The following KIF21A variants were observed in gnomAD, a reference collection of about 807,000 sequenced individuals.
KIF21A encodes kinesin family member 21A, also known as kinesin-like protein KIF21A.
A neutral mutation model predicts 202.9 loss-of-function variants in KIF21A; 114 were observed. The observed-to-expected ratio is 0.56, with a 90% CI of 0.48 to 0.66. KIF21A has a LOEUF of 0.66. KIF21A is among the 30% of genes least tolerant of loss of function. The pLI is 0.00. For missense variants in KIF21A, 1,677 were observed against 1,994.9 expected (o/e 0.84, Z 3.04); for synonymous variants, 667 against 670.8 (o/e 0.99, Z 0.09).
At chr12:39,352,472 T>A (rs1167211965) in intron 10 of KIF21A, among the ~76,000 whole-genome samples, 1 of 152,174 alleles carries the variant, frequency 6.6e-6, no homozygotes, top group East Asian at 1.9e-4. Flanking sequence ...GTAATCATAA[T>A]CTTAATACTC....
In KIF21A at chr12:39,326,249, TA is replaced by T; in HGVS notation, c.3401+14del. 1 of 1,573,950 alleles carries T rather than the reference TA, an allele frequency of 6.4e-7. No individual in the cohort carries two copies. The highest frequency in any genetic ancestry group is 8.7e-7 in the Non-Finnish European group (1 of 1,143,804). ...GTAAATAAGTCAACTCTATTGTTTC[TA>T]AAGGCCTTCTTACCTTCCTTCTGAT... On this transcript the variant is annotated intron_variant, in intron 25 of 37. Transcript: ENST00000361418.
At chr12:39,320,447 T>C (rs185377891) in intron 27 of KIF21A, among the ~76,000 whole-genome samples, 2 of 146,468 alleles carry the variant, frequency 1.4e-5, no homozygotes, top group East Asian at 4.0e-4. Flanking sequence ...AATCACAAAA[T>C]AGTTCTATAG....
chr12:39,357,135 A>G (rs1948834169), intron 9 of KIF21A, 113 bp downstream of exon 9: 4 of 918,648 alleles, frequency 4.4e-6, no homozygotes, highest in Non-Finnish European at 7.1e-6. Context: ...CACAGACTGT[A>G]TACACAGAGA....
At chr12:39,429,408 A>G (rs1955010644) in intron 1 of KIF21A, among the ~76,000 whole-genome samples, 1 of 152,212 alleles carries the variant, frequency 6.6e-6, no homozygotes, top group South Asian at 2.1e-4. Context: ...TTGACTGGTA[A>G]TATCAAGGTC....
At chr12:39,319,136 C>T (rs1944920854) in intron 28 of KIF21A, among the ~76,000 whole-genome samples, 1 of 152,148 alleles carries the variant, frequency 6.6e-6, no homozygotes, top group African/African-American at 2.4e-5. Context: ...AATATATTCA[C>T]ATTTATTTTT....
At chr12:39,296,670 CA>C (rs1190031655) in intron 37 of KIF21A, among the ~76,000 whole-genome samples, 4 of 152,112 alleles carry the variant, frequency 2.6e-5, no homozygotes, top group African/African-American at 9.7e-5. Context: ...CATTCCAGGC[CA>C]AAAGAGCAGC....
intron 1 of KIF21A, among the ~76,000 whole-genome samples, chr12:39,441,796 G>C (rs554844772): frequency 4.1e-4 from 63 of 151,896 alleles, no homozygotes; most frequent in African/African-American, 1.5e-3. Flanking sequence ...GAAATGTTTA[G>C]AGGGGAGAAT....
intron 1 of KIF21A, among the ~76,000 whole-genome samples, chr12:39,406,825 C>T (rs577079065): frequency 6.6e-6 from 1 of 152,230 alleles, no homozygotes; most frequent in East Asian, 1.9e-4. Context: ...AAGACTCATT[C>T]GTAATCTCAA....
chr12:39,332,774 T>C (rs1336467031), intron 19 of KIF21A, 30 bp from the exon 20 acceptor site: 2 of 1,612,706 alleles, frequency 1.2e-6, no homozygotes, highest in Admixed American at 3.3e-5. Flanking sequence ...ACAAGCTCAA[T>C]TACTTATGCA....
rs181205442 is a variant in KIF21A, at chr12:39,361,864, T to C, written c.1019+1234A>G. On this transcript the variant is annotated intron_variant, in intron 7 of 37. Transcript: ENST00000361418. Reference sequence around the variant, plus strand: ...ATAAACTTAAAAGGATTTAATATTATCCAAAATTATTTGGATAATAGTTGT... The same window carrying C: ...ATAAACTTAAAAGGATTTAATATTACCCAAAATTATTTGGATAATAGTTGT... Among the ~76,000 whole-genome samples, 312 of 152,308 alleles carry C rather than the reference T, an allele frequency of 2.0e-3. 4 individuals carry two copies. Among genetic ancestry groups the C allele is most frequent in the African/African-American group, 7.2e-3 (299 of 41,572 alleles).
chr12:39,311,634 C>A lies in KIF21A; in HGVS notation c.3960-81G>T, dbSNP rs539233267. ...ATCATGAGACTAGTTTTGTTTTTTTCCCCTAACTTTAAGAAGTCTTTATAA... is the reference window on the plus strand; with the variant it reads ...ATCATGAGACTAGTTTTGTTTTTTTACCCTAACTTTAAGAAGTCTTTATAA... On this transcript the variant is annotated intron_variant, in intron 31 of 37. Coordinates refer to ENST00000361418, the MANE Select transcript of KIF21A (RefSeq NM_001173464.2). 5 of 1,447,598 alleles carry A rather than the reference C, an allele frequency of 3.5e-6. No individual in the cohort carries two copies. The South Asian group carries it at 3.5e-5, about 10-fold the overall frequency. 89.7% of individuals were successfully genotyped at this position (1,447,598 alleles called of 1,614,324 possible). A position where few individuals can be genotyped will look rare whatever the true frequency, so the allele number is the denominator to read the frequency against.
chr12:39,339,427 G>C (rs1025090561), intron 16 of KIF21A, among the ~76,000 whole-genome samples: 1 of 152,070 alleles, frequency 6.6e-6, no homozygotes, highest in Non-Finnish European at 1.5e-5. Flanking sequence ...CATAGCCTAG[G>C]TGTGTAGTAG....
chr12:39,353,156 T>C (rs77535146), intron 10 of KIF21A, among the ~76,000 whole-genome samples: 17,428 of 152,086 alleles, frequency 0.11, 1,015 homozygotes, highest in East Asian at 0.14. Context: ...GTCAGCTCAG[T>C]GCTTTTCCAT....
intron 1 of KIF21A, among the ~76,000 whole-genome samples, chr12:39,406,981 C>G (rs1355259258): frequency 1.3e-5 from 2 of 152,176 alleles, no homozygotes; most frequent in Non-Finnish European, 1.5e-5. Flanking sequence ...CAAAATCTAC[C>G]CATATACTTT....
intron 1 of KIF21A, among the ~76,000 whole-genome samples, chr12:39,397,439 C>G (rs534288614): frequency 6.6e-6 from 1 of 151,816 alleles, no homozygotes; most frequent in Non-Finnish European, 1.5e-5. Context: ...CCAAACCACC[C>G]CCCATAGAGC....
At chr12:39,401,978 C>A (rs1299049101) in intron 1 of KIF21A, among the ~76,000 whole-genome samples, 1 of 152,150 alleles carries the variant, frequency 6.6e-6, no homozygotes, top group Non-Finnish European at 1.5e-5. Flanking sequence ...CTAAATTAGA[C>A]TGCATTCATG....
intron 19 of KIF21A, 58 bp from the exon 20 acceptor site, chr12:39,332,802 TGCCAAATAATGA>T: frequency 6.3e-7 from 1 of 1,594,320 alleles, no homozygotes. Context: ...GATTGTGCAC[TGCCAAATAATGA>T]GCCATTTTTT....
Position 39,357,304 on chromosome 12 carries a change from C to T in KIF21A, c.1349G>A (p.Arg450Lys). The T allele has an allele frequency of 6.2e-7, 1 of 1,614,130 alleles. No individual in the cohort carries two copies. Among genetic ancestry groups the T allele is most frequent in the East Asian group, 2.2e-5 (1 of 44,866 alleles). The change falls in exon 9 of 38, where the codon AGG (arginine) becomes AAG (lysine). Residue 450 changes from arginine (R) to lysine (K), a missense_variant. By Grantham distance (26) the Arg-to-Lys change is conservative (BLOSUM62 2). This residue lies in a region of KIF21A where 966 missense variants were observed against 1,180.9 expected (regional missense o/e 0.82). Transcript: ENST00000361418. ...ACTAACAAGCTGTGTAATTCTGGAC[C>T]TCAATGCATCAACCGTCTCTTGCAT... is the stretch of plus-strand genomic sequence containing the variant. ...KAMQETVDAL[R>K]SRITQLVSDQ...
intron 1 of KIF21A, among the ~76,000 whole-genome samples, chr12:39,425,869 G>A (rs975953054): frequency 1.4e-4 from 21 of 148,546 alleles, no homozygotes; most frequent in Admixed American, 2.7e-4. Flanking sequence ...TGTTTCTGCC[G>A]CTTCCTTATA....
Sources: gnomAD v4.1 joint callset for allele counts (sites outside exome capture counted in the v4.1 genomes callset) on GRCh38, gnomAD v4.1.1 for gene constraint, gnomAD v4.1.1 regional missense constraint, MANE v1.5 for transcripts, NCBI Gene and HGNC (gene_info 2026-07-23, HGNC 2026-07-21) for gene names.